NFRKB: variants seen among roughly 807,000 people sequenced by gnomAD.
NFRKB encodes the protein nuclear factor related to kappa-B-binding protein.
In NFRKB, 62 loss-of-function variants were observed where a neutral mutation model predicts 135.7. The ratio of observed to expected loss-of-function variants is 0.46; its 90% CI spans 0.37 to 0.56. The LOEUF is 0.56. Ranked by LOEUF, NFRKB falls within the 20% of genes least tolerant of loss-of-function variation. The probability of loss-of-function intolerance (pLI) is 0.00; values close to 1 mark genes in which losing one functional copy is unlikely to be tolerated. For synonymous variants in NFRKB, 678 were observed against 635.6 expected (o/e 1.07, Z -1.00); for missense variants, 1,545 against 1,662.0 (o/e 0.93, Z 1.22).
In NFRKB at chr11:129,874,173, A is replaced by G. The variant is rs1948654047; in HGVS notation, c.2219T>C (p.Val740Ala). ...LPAIPISPPPVSAVNKSGPST... is the reference protein window; with the variant it reads ...LPAIPISPPPASAVNKSGPST... ...AGGGCCGCTTTTGTTCACTGCCGAT[A>G]CAGGTGGAGGGGAGATGGGAATGGC... is the stretch of plus-strand genomic sequence containing the variant. Residue 740 changes from valine (V) to alanine (A), a missense_variant, in exon 21 of 27, where the codon GTA (valine) becomes GCA (alanine). Physicochemically the swap from Val to Ala is moderately conservative, Grantham distance 64. Transcript: ENST00000682444. The surrounding 1 kb of genome is among the most constrained non-coding windows in gnomAD (Gnocchi z 4.5). The G allele has an allele frequency of 2.6e-6, 4 of 1,524,050 alleles. No homozygotes were observed. Among genetic ancestry groups the G allele is most frequent in the Non-Finnish European group, 2.6e-6 (3 of 1,137,356 alleles). The allele number at this position is 1,524,050 out of a possible 1,614,324, so 94.4% of individuals were successfully genotyped here. A position where few individuals can be genotyped will look rare whatever the true frequency, so the allele number is the denominator to read the frequency against.
At chr11:129,873,664 C>A in intron 22 of NFRKB, 81 bp downstream of exon 22, 1 of 1,551,526 alleles carries the variant, frequency 6.4e-7, no homozygotes. Context: ...CAGTCCTTAC[C>A]CAGACACTGC....
Position 129,864,369 on chromosome 11 carries a change from T to C in NFRKB, c.*356A>G, listed in dbSNP as rs902660254. On this transcript the variant is annotated 3_prime_UTR_variant, in exon 27 of 27. Coordinates refer to ENST00000682444, the MANE Select transcript of NFRKB (RefSeq NM_001143835.2). ...CAGAAGCCAAAAAATACAATCCTCA[T>C]GGAGAACCAGCCTATTCGCTGTGTG... is the stretch of plus-strand genomic sequence containing the variant. 1 of 205,140 alleles carries C rather than the reference T, an allele frequency of 4.9e-6. No homozygotes were observed. Among genetic ancestry groups the C allele is most frequent in the South Asian group, 1.1e-4 (1 of 9,342 alleles). 12.7% of individuals were successfully genotyped at this position (205,140 alleles called of 1,614,324 possible).
At chr11:129,886,568 A>C in intron 4 of NFRKB, 124 bp from the exon 5 acceptor site, 3 of 885,534 alleles carry the variant, frequency 3.4e-6, no homozygotes, top group Non-Finnish European at 5.2e-6. Context: ...GGAAAAGTGA[A>C]CATTTAAGAG....
At chr11:129,868,671 C>T (rs1027204560) in intron 24 of NFRKB, among the ~76,000 whole-genome samples, 1 of 151,802 alleles carries the variant, frequency 6.6e-6, no homozygotes, top group African/African-American at 2.4e-5. Flanking sequence ...GTTACTACAC[C>T]ATTCAAAAGA....
chr11:129,874,397 C>A lies in NFRKB; in HGVS notation c.2059-64G>T. ...AAGATCCCCCTAAAGGAAGGGACAC[C>A]CCTACAGCTCCTGATGCCCCACACC... On this transcript the variant is annotated intron_variant, in intron 20 of 26. Coordinates refer to ENST00000682444, the MANE Select transcript of NFRKB (RefSeq NM_001143835.2). This position sits in a 1 kb window ranked among gnomAD's most constrained non-coding sequence, Gnocchi z 4.5. 6.5e-7 allele frequency: 1 copy of A among 1,531,220 alleles called. No homozygotes were observed. The allele number at this position is 1,531,220 out of a possible 1,614,324, so 94.9% of individuals were successfully genotyped here.
chr11:129,870,791 G>C (rs558729291), intron 23 of NFRKB, among the ~76,000 whole-genome samples: 2 of 152,180 alleles, frequency 1.3e-5, no homozygotes, highest in East Asian at 3.9e-4. Flanking sequence ...ACCTTACTCA[G>C]GGACTTCGTC....
At chr11:129,893,541 C>CT (rs1404666030) in intron 2 of NFRKB, among the ~76,000 whole-genome samples, 1 of 141,478 alleles carries the variant, frequency 7.1e-6, no homozygotes, top group Non-Finnish European at 1.5e-5. Flanking sequence ...GCCTGGGCAA[C>CT]AGAGACCCTG....
At chr11:129,867,232 G>C (rs1255889851) in intron 24 of NFRKB, among the ~76,000 whole-genome samples, 1 of 151,780 alleles carries the variant, frequency 6.6e-6, no homozygotes, top group East Asian at 1.9e-4. Context: ...CTTTCTGTTA[G>C]AGGGATTCAA....
chr11:129,886,334 T>G lies in NFRKB; in HGVS notation c.448A>C (p.Ile150Leu), dbSNP rs932177790. Residue 150 changes from isoleucine to leucine, a missense_variant, in exon 5 of 27, where the codon ATT (isoleucine) becomes CTT (leucine). Physicochemically the swap from Ile to Leu is conservative, Grantham distance 5. Transcript: ENST00000682444. ...QQYFHRLLKQ[I>L]LASRSDLLEM... ...CTACTTACACTCCGGGAAGCAAGAA[T>G]TTGCTTCAGCAGCCGATGGAAATAC... 3 of 1,614,078 alleles carry G rather than the reference T, an allele frequency of 1.9e-6. No homozygotes were observed. Among genetic ancestry groups the G allele is most frequent in the Non-Finnish European group, 2.5e-6 (3 of 1,179,992 alleles).
chr11:129,876,894 TCCTA>T lies in NFRKB; in HGVS notation c.1573-3_1573del, dbSNP rs919304070. The T allele has an allele frequency of 6.2e-7, 1 of 1,612,828 alleles. No homozygotes were observed. The highest frequency in any genetic ancestry group is 1.3e-5 in the African/African-American group (1 of 74,842). On this transcript the variant is annotated splice_acceptor_variant and splice_polypyrimidine_tract_variant and coding_sequence_variant and intron_variant, in exon 17 of 27. Transcript: ENST00000682444. LOFTEE classifies it high-confidence loss of function. ...ATGGGGTTGGCTATACCTGTAACGC[TCCTA>T]CCAAGAGACAAGGGACAAGAGTTCT...
rs914713748 is a variant in NFRKB, at chr11:129,884,935, G to C, written c.641-89C>G. On this transcript the variant is annotated intron_variant, in intron 6 of 26. Coordinates refer to ENST00000682444, the MANE Select transcript of NFRKB (RefSeq NM_001143835.2). Reference sequence around the variant, plus strand: ...TAAGTGGCCATTTGGGTTCAACAAGGCTAAGCCAACAACATGGAGGCCAGG... The same window carrying C: ...TAAGTGGCCATTTGGGTTCAACAAGCCTAAGCCAACAACATGGAGGCCAGG... The C allele has an allele frequency of 8.1e-6, 13 of 1,596,986 alleles. No individual in the cohort carries two copies. The African/African-American group carries it at 1.5e-4, about 18-fold the overall frequency.
At chr11:129,894,744 G>A (rs1949699633) in intron 1 of NFRKB, among the ~76,000 whole-genome samples, 1 of 152,212 alleles carries the variant, frequency 6.6e-6, no homozygotes, top group African/African-American at 2.4e-5. Context: ...TGAAGCGGGT[G>A]AGACAGCACA....
In NFRKB at chr11:129,881,784, G is replaced by T. The variant is rs371297388; in HGVS notation, c.1261C>A (p.Pro421Thr). ...SSLNSWFSAAPNWAELVLPAL... is the reference protein window; with the variant it reads ...SSLNSWFSAATNWAELVLPAL... ...GGTAGTACCAACTCAGCCCAGTTGGGGGCCGCAGAGAACCAGCTGTTGAGG... is the reference window on the plus strand; with the variant it reads ...GGTAGTACCAACTCAGCCCAGTTGGTGGCCGCAGAGAACCAGCTGTTGAGG... Residue 421 changes from proline to threonine, a missense_variant, in exon 12 of 27, where the codon CCC becomes ACC. Coordinates refer to ENST00000682444, the MANE Select transcript of NFRKB (RefSeq NM_001143835.2). 6.2e-7 allele frequency: 1 copy of T among 1,613,850 alleles called. No homozygotes were observed. The highest frequency in any genetic ancestry group is 1.3e-5 in the African/African-American group (1 of 74,904).
intron 3 of NFRKB, 114 bp downstream of exon 3, chr11:129,892,601 A>C: frequency 8.8e-7 from 1 of 1,135,096 alleles, no homozygotes; most frequent in African/African-American, 1.5e-5. Context: ...TGCAATGTAG[A>C]AAATGAACAA....
rs774208635 is a variant in NFRKB at position 129,864,980 on chromosome 11, C to G, written c.3760G>C (p.Gly1254Arg). The change falls in exon 26 of 27, where the codon GGT becomes CGT. Residue 1254 changes from glycine to arginine, a missense_variant. Coordinates refer to ENST00000682444, the MANE Select transcript of NFRKB (RefSeq NM_001143835.2). ...AQQLQQLQQQGQATQVRIQTV... is the reference protein window; with the variant it reads ...AQQLQQLQQQRQATQVRIQTV... ...CTGGGCCTTACCTGTGTGGCCTGAC[C>G]TTGCTGCTGAAGCTGCTGCAACTGC... 3 of 1,613,330 alleles carry G rather than the reference C, an allele frequency of 1.9e-6. No individual in the cohort carries two copies. The Admixed American group carries it at 5.0e-5, about 27-fold the overall frequency.
In NFRKB at chr11:129,873,911, C is replaced by G. The variant is rs1026931538; in HGVS notation, c.2384G>C (p.Ser795Thr). ...PSSQAAARVV[S>T]HSGSAGLSQV... ...AGACAGTCCAGCAGAGCCAGAGTGG[C>G]TCACGACCCGGGCGGCAGCCTGAGA... Residue 795 changes from serine (S) to threonine (T), a missense_variant, in exon 22 of 27, where the codon AGC becomes ACC. Ser to Thr is a moderately conservative substitution (Grantham distance 58, BLOSUM62 1). Transcript: ENST00000682444. The G allele has an allele frequency of 6.2e-7, 1 of 1,613,742 alleles. No individual in the cohort carries two copies. The highest frequency in any genetic ancestry group is 1.7e-5 in the Admixed American group (1 of 60,010).
intron 16 of NFRKB, 75 bp from the exon 17 acceptor site, chr11:129,876,970 G>T: frequency 7.3e-7 from 1 of 1,365,544 alleles, no homozygotes; most frequent in Non-Finnish European, 1.0e-6. Flanking sequence ...TACAATATAA[G>T]CAGATCCACA....
intron 15 of NFRKB, among the ~76,000 whole-genome samples, chr11:129,877,852 G>A (rs768321302): frequency 2.0e-5 from 3 of 152,070 alleles, no homozygotes; most frequent in Non-Finnish European, 2.9e-5. Context: ...GAAAACTACC[G>A]AACCATGCCA....
chr11:129,884,937 T>C (rs1418748911), intron 6 of NFRKB, 91 bp from the exon 7 acceptor site: 2 of 1,594,370 alleles, frequency 1.3e-6, no homozygotes, highest in Non-Finnish European at 1.7e-6. Flanking sequence ...TCAACAAGGC[T>C]AAGCCAACAA....
Sources: allele counts gnomAD v4.1 joint callset (sites outside exome capture counted in the v4.1 genomes callset), GRCh38; gene constraint gnomAD v4.1.1; non-coding constraint Gnocchi (gnomAD v3.1); transcripts MANE v1.5; gene names NCBI Gene and HGNC (gene_info 2026-07-23, HGNC 2026-07-21).